DAAM1: variants seen among roughly 807,000 people sequenced by gnomAD.
DAAM1 encodes the protein dishevelled associated activator of morphogenesis 1.
Under a neutral mutation model 130.0 loss-of-function variants are expected in DAAM1, and 52 were observed. That is an observed-to-expected ratio of 0.40 (90% CI 0.32 to 0.50). The LOEUF (loss-of-function observed/expected upper bound fraction) is 0.50. Among genes scored for constraint, DAAM1 ranks in the 20% least tolerant of loss-of-function variants. The pLI is 0.61. For missense variants in DAAM1, 1,134 were observed against 1,303.8 expected (o/e 0.87, Z 2.01); for synonymous variants, 452 against 444.5 (o/e 1.02, Z -0.21).
At chr14:59,351,058 C>T (rs971001292) in intron 17 of DAAM1, among the ~76,000 whole-genome samples, 34 of 152,186 alleles carry the variant, frequency 2.2e-4, no homozygotes, top group African/African-American at 4.6e-4. Context: ...CTCCCCATCC[C>T]GGCCCACCCT....
At chr14:59,319,949 C>T (rs1415526273) in intron 4 of DAAM1, among the ~76,000 whole-genome samples, 1 of 152,142 alleles carries the variant, frequency 6.6e-6, no homozygotes, top group Non-Finnish European at 1.5e-5. Flanking sequence ...CACACACTCA[C>T]TCCATATCCT....
intron 2 of DAAM1, among the ~76,000 whole-genome samples, chr14:59,280,535 C>CTTTTTTT (rs35354608): frequency 1.1e-3 from 102 of 90,650 alleles, no homozygotes; most frequent in African/African-American, 1.3e-3. Context: ...GCACACCTTC[C>CTTTTTTT]TTTTTTTTTT....
chr14:59,250,974 T>C (rs1881611266), intron 1 of DAAM1, among the ~76,000 whole-genome samples: 1 of 152,218 alleles, frequency 6.6e-6, no homozygotes, highest in African/African-American at 2.4e-5. Flanking sequence ...TAGGGTTCTT[T>C]AGCACTATTT....
At chr14:59,263,810 G>A (rs1169080461) in intron 2 of DAAM1, 150 bp downstream of exon 2, 5 of 911,138 alleles carry the variant, frequency 5.5e-6, no homozygotes, top group South Asian at 1.5e-5. Context: ...CTCACTGTCA[G>A]CACTAAACCT....
At chr14:59,292,046 A>G (rs925595481) in intron 3 of DAAM1, among the ~76,000 whole-genome samples, 1 of 152,170 alleles carries the variant, frequency 6.6e-6, no homozygotes, top group Non-Finnish European at 1.5e-5. Context: ...CTCCTGAAAC[A>G]GAGTGCACTC....
rs187646378 is a variant in DAAM1 at position 59,369,407 on chromosome 14, G to A, written c.*548G>A. The A allele has an allele frequency of 6.6e-6, 1 of 152,650 alleles. No individual in the cohort carries two copies. Among genetic ancestry groups the A allele is most frequent in the African/African-American group, 2.4e-5 (1 of 41,430 alleles). The allele number at this position is 152,650 out of a possible 1,614,324, so 9.5% of individuals were successfully genotyped here. Reference sequence around the variant, plus strand: ...ATGTATCACATCAGTAATAGGACCAGCTTTGAATTTCTGACATTGGTGTGG... The same window carrying A: ...ATGTATCACATCAGTAATAGGACCAACTTTGAATTTCTGACATTGGTGTGG... On this transcript the variant is annotated 3_prime_UTR_variant, in exon 25 of 25. Coordinates refer to ENST00000360909, the MANE Select transcript of DAAM1 (RefSeq NM_001270520.2).
At chr14:59,201,085 TG>T (rs747813964) in intron 1 of DAAM1, among the ~76,000 whole-genome samples, 33 of 137,568 alleles carry the variant, frequency 2.4e-4, no homozygotes, top group Non-Finnish European at 4.2e-4. Context: ...GGTATGAACC[TG>T]GGAGGCAGAG....
At chr14:59,291,342 A>G (rs1296442020) in intron 3 of DAAM1, 36 bp downstream of exon 3, 2 of 1,482,874 alleles carry the variant, frequency 1.3e-6, no homozygotes, top group Non-Finnish European at 1.9e-6. Flanking sequence ...TAACTGGAAA[A>G]TAATCATTGA....
At chr14:59,248,484 C>T (rs1307047092) in intron 1 of DAAM1, among the ~76,000 whole-genome samples, 2 of 152,086 alleles carry the variant, frequency 1.3e-5, no homozygotes, top group Non-Finnish European at 2.9e-5. Flanking sequence ...GAATAACTTC[C>T]CAAGGATATT....
chr14:59,310,891 G>A (rs1190003749), intron 3 of DAAM1, among the ~76,000 whole-genome samples: 1 of 152,002 alleles, frequency 6.6e-6, no homozygotes, highest in Non-Finnish European at 1.5e-5. Context: ...AACAACCGCA[G>A]AGCATGTCCT....
chr14:59,250,681 T>TA (rs5809022), intron 1 of DAAM1, among the ~76,000 whole-genome samples: 2,865 of 152,292 alleles, frequency 0.019, 89 homozygotes, highest in African/African-American at 0.065. Flanking sequence ...CTTAGGTACA[T>TA]ATGGAAATAA....
In DAAM1 at chr14:59,285,527, C is replaced by T. The variant is rs115380774; in HGVS notation, c.184-5690C>T. 6.5e-3 allele frequency among the ~76,000 whole-genome samples: 991 copies of T among 152,266 alleles called. 16 individuals carry two copies. The highest frequency in any genetic ancestry group is 0.023 in the African/African-American group (960 of 41,546). On this transcript the variant is annotated intron_variant, in intron 2 of 24. Coordinates refer to ENST00000360909, the MANE Select transcript of DAAM1 (RefSeq NM_001270520.2). Reference sequence around the variant, plus strand: ...AGAAGCAAGACCCACTGTCTGCTGCCTTCAAGAGACCCATCTCACAAGTAA... The same window carrying T: ...AGAAGCAAGACCCACTGTCTGCTGCTTTCAAGAGACCCATCTCACAAGTAA...
intron 1 of DAAM1, among the ~76,000 whole-genome samples, chr14:59,198,472 G>A (rs957216192): frequency 2.6e-5 from 4 of 151,902 alleles, no homozygotes; most frequent in African/African-American, 4.8e-5. Flanking sequence ...CTCATGATCC[G>A]CCTGCCTCGG....
At position 59,339,966 on chromosome 14, in the gene DAAM1, A is replaced by G. The variant is rs1012454201; in HGVS notation, c.1969-108A>G. ...CACCATTTCAGCCTTGCCCATGTGT[A>G]TACGAGTGTGTGTATGTGTATATGA... is the stretch of plus-strand genomic sequence containing the variant. On this transcript the variant is annotated intron_variant, in intron 15 of 24. Transcript: ENST00000360909. 8 of 874,436 alleles carry G rather than the reference A, an allele frequency of 9.1e-6. No individual in the cohort carries two copies. The African/African-American group carries it at 1.3e-4, about 15-fold the overall frequency. 54.2% of individuals were successfully genotyped at this position (874,436 alleles called of 1,614,324 possible).
intron 1 of DAAM1, among the ~76,000 whole-genome samples, chr14:59,246,510 C>A (rs1008266939): frequency 1.3e-5 from 2 of 152,104 alleles, no homozygotes; most frequent in African/African-American, 2.4e-5. Flanking sequence ...CTGTGATAAA[C>A]ATGGGCATGC....
chr14:59,299,568 A>T (rs1258192052), intron 3 of DAAM1: 2 of 152,136 alleles, frequency 1.3e-5, no homozygotes, highest in Non-Finnish European at 2.9e-5. Flanking sequence ...AGTGATGTTG[A>T]TGTCTGGTTT....
chr14:59,213,224 C>T (rs1401463879), intron 1 of DAAM1, among the ~76,000 whole-genome samples: 1 of 151,800 alleles, frequency 6.6e-6, no homozygotes. Context: ...CAGAAGATGC[C>T]TCAAGGGAGA....
chr14:59,330,709 C>G, intron 13 of DAAM1, 21 bp downstream of exon 13: 1 of 1,580,454 alleles, frequency 6.3e-7, no homozygotes, highest in East Asian at 2.3e-5. Flanking sequence ...CCGCTCAGCT[C>G]ACGGGCAGCT....
At chr14:59,330,807 A>G (rs1008377823) in intron 13 of DAAM1, 119 bp downstream of exon 13, 4 of 1,070,352 alleles carry the variant, frequency 3.7e-6, no homozygotes, top group African/African-American at 1.6e-5. Flanking sequence ...CTCATGATTC[A>G]TCACAATTAG....
Sources: allele counts gnomAD v4.1 joint callset (sites outside exome capture counted in the v4.1 genomes callset), GRCh38; gene constraint gnomAD v4.1.1; transcripts MANE v1.5; gene names NCBI Gene and HGNC (gene_info 2026-07-23, HGNC 2026-07-21).